The following PLEKHG4B variants were observed in gnomAD, a reference collection of about 807,000 sequenced individuals.
PLEKHG4B encodes the protein pleckstrin homology domain-containing family G member 4B.
In PLEKHG4B, 111 loss-of-function variants were observed where a neutral mutation model predicts 121.3. That is an observed-to-expected ratio of 0.92 (90% CI 0.78 to 1.07). PLEKHG4B has a LOEUF of 1.07. Among genes scored for constraint, PLEKHG4B ranks in the 50% least tolerant of loss-of-function variants. The probability of loss-of-function intolerance (pLI) is 0.00; values close to 1 mark genes in which losing one functional copy is unlikely to be tolerated. For synonymous variants in PLEKHG4B, 738 were observed against 725.0 expected (o/e 1.02, Z -0.29); for missense variants, 1,831 against 1,757.8 (o/e 1.04, Z -0.74).
intron 1 of PLEKHG4B, among the ~76,000 whole-genome samples, chr5:106,641 GC>G (rs1360938177): frequency 6.6e-6 from 1 of 152,196 alleles, no homozygotes; most frequent in Admixed American, 6.5e-5. Flanking sequence ...CACTCTGCAA[GC>G]TCCATGCATT....
In PLEKHG4B at chr5:163,311, TAAAG is replaced by T. The variant is rs779864418; in HGVS notation, c.3243_3246del (p.Lys1082ArgfsTer31). The T allele has an allele frequency of 5.6e-5, 91 of 1,613,308 alleles. No individual in the cohort carries two copies. In the East Asian group the frequency reaches 7.4e-4, roughly 13 times the overall value. On this transcript the variant is annotated frameshift_variant, in exon 13 of 20. Coordinates refer to ENST00000637938, the MANE Select transcript of PLEKHG4B (RefSeq NM_052909.5). LOFTEE classifies it high-confidence loss of function. ...AGGAAACATCCCCAGAAGAAAATGA[TAAAG>T]AAAACGCAAAGTTTCGAGATACCTC...
At chr5:120,993 T>C (rs1373455244) in intron 2 of PLEKHG4B, among the ~76,000 whole-genome samples, 1 of 152,170 alleles carries the variant, frequency 6.6e-6, no homozygotes, top group Non-Finnish European at 1.5e-5. Context: ...ACGCCTGTAA[T>C]CCCAGCACTT....
chr5:171,214 G>T lies in PLEKHG4B; in HGVS notation c.3820G>T (p.Asp1274Tyr). The stretch of plus-strand genomic sequence containing the variant: ...TGACCCTCTCACCCGGCCCTTGCAG[G>T]ACAAGCAGCGGGAGCTAGGTGACAA... Reference protein sequence around the residue: ...LSSHGNAFFKDKQRELGDKMD... With the variant: ...LSSHGNAFFKYKQRELGDKMD... The change falls in exon 16 of 20, where the codon GAC (aspartate) becomes TAC (tyrosine). Residue 1274 changes from aspartate (D) to tyrosine (Y), a missense_variant and splice_region_variant. By Grantham distance (160) the Asp-to-Tyr change is radical. Coordinates refer to ENST00000637938, the MANE Select transcript of PLEKHG4B (RefSeq NM_052909.5). 1 of 1,604,512 alleles carries T rather than the reference G, an allele frequency of 6.2e-7. No individual in the cohort carries two copies. Among genetic ancestry groups the T allele is most frequent in the Non-Finnish European group, 8.5e-7 (1 of 1,173,660 alleles).
At chr5:99,319 T>A (rs1733733241) in intron 1 of PLEKHG4B, among the ~76,000 whole-genome samples, 1 of 151,384 alleles carries the variant, frequency 6.6e-6, no homozygotes, top group South Asian at 2.1e-4. Flanking sequence ...ACTGAATTTA[T>A]AGATCACTTT....
At chr5:173,595 C>T (rs1243260060) in intron 17 of PLEKHG4B, among the ~76,000 whole-genome samples, 4 of 151,718 alleles carry the variant, frequency 2.6e-5, no homozygotes, top group Middle Eastern at 3.2e-3. Flanking sequence ...CCCTTGCACA[C>T]TGTTAAGCAG....
chr5:161,630 G>C (rs999867785), intron 11 of PLEKHG4B, among the ~76,000 whole-genome samples, 153 bp from the exon 12 acceptor site: 1 of 152,164 alleles, frequency 6.6e-6, no homozygotes, highest in Non-Finnish European at 1.5e-5. Context: ...TCGGTCCTTT[G>C]GTGCCTGCTC....
Position 138,821 on chromosome 5 carries a change from A to G in PLEKHG4B, c.244-662A>G, listed in dbSNP as rs111721342. Among the ~76,000 whole-genome samples the G allele has an allele frequency of 3.5e-3, 539 of 152,344 alleles. 1 individual carries two copies. The highest frequency in any genetic ancestry group is 0.012 in the African/African-American group (489 of 41,584). ...AGAGCAACATTTGGGGAAAATAAACACTCAACAGTTAAGTGATCTGTGTGC... is the reference window on the plus strand; with the variant it reads ...AGAGCAACATTTGGGGAAAATAAACGCTCAACAGTTAAGTGATCTGTGTGC... On this transcript the variant is annotated intron_variant, in intron 2 of 19. Coordinates refer to ENST00000637938, the MANE Select transcript of PLEKHG4B (RefSeq NM_052909.5).
rs951454507 is a variant in PLEKHG4B at position 156,587 on chromosome 5, C to T, written c.2349-186C>T. On this transcript the variant is annotated intron_variant, in intron 10 of 19. Coordinates refer to ENST00000637938, the MANE Select transcript of PLEKHG4B (RefSeq NM_052909.5). This position sits in a 1 kb window ranked among gnomAD's most constrained non-coding sequence, Gnocchi z 4.4. ...CCAGGCACCTGCAACCCAGGCCGGC[C>T]AGGATGTTGGCAGAACGCATGGAGC... is the stretch of plus-strand genomic sequence containing the variant. 6.6e-6 allele frequency among the ~76,000 whole-genome samples: 1 copy of T among 152,096 alleles called. No homozygotes were observed. Among genetic ancestry groups the T allele is most frequent in the African/African-American group, 2.4e-5 (1 of 41,412 alleles).
chr5:168,576 T>A (rs530285015), intron 13 of PLEKHG4B, among the ~76,000 whole-genome samples: 1 of 152,312 alleles, frequency 6.6e-6, no homozygotes, highest in Non-Finnish European at 1.5e-5. Flanking sequence ...TTGAGTCATC[T>A]CACCGCTAGA....
Position 183,991 on chromosome 5 carries a change from C to CGATTGATAGATA in PLEKHG4B, c.*1671_*1672insTGATAGATAGAT, listed in dbSNP as rs1292159443. ...CAGACAGATAGATAGATAGATAGATCGATAGATAGATAGATAGATAGATAG... is the reference window on the plus strand; with the variant it reads ...CAGACAGATAGATAGATAGATAGATCGATTGATAGATAGATAGATAGATAGATAGATAGATAG... On this transcript the variant is annotated 3_prime_UTR_variant, in exon 20 of 20. Coordinates refer to ENST00000637938, the MANE Select transcript of PLEKHG4B (RefSeq NM_052909.5). 1 of 104,614 alleles carries CGATTGATAGATA rather than the reference C, an allele frequency of 9.6e-6. No individual in the cohort carries two copies. Among genetic ancestry groups the CGATTGATAGATA allele is most frequent in the African/African-American group, 2.9e-5 (1 of 34,128 alleles). The allele number at this position is 104,614 out of a possible 1,614,324, so 6.5% of individuals were successfully genotyped here.
chr5:157,930 C>T lies in PLEKHG4B; in HGVS notation c.2487+1019C>T, dbSNP rs1735845966. On this transcript the variant is annotated intron_variant, in intron 11 of 19. Transcript: ENST00000637938. The surrounding 1 kb of genome is among the most constrained non-coding windows in gnomAD (Gnocchi z 4.6). ...TCCATGCGCGTGCCCTCACGGGGGC[C>T]TCCAGACAAAGACGTGCAGCAGGGA... 6.6e-6 allele frequency among the ~76,000 whole-genome samples: 1 copy of T among 152,164 alleles called. No homozygotes were observed. Among genetic ancestry groups the T allele is most frequent in the South Asian group, 2.1e-4 (1 of 4,832 alleles).
intron 6 of PLEKHG4B, among the ~76,000 whole-genome samples, chr5:149,862 AAAC>A (rs1008532175): frequency 6.6e-5 from 10 of 152,248 alleles, no homozygotes; most frequent in African/African-American, 7.2e-5. Flanking sequence ...TATTGTAAAA[AAAC>A]AACAAGTGTT....
At position 163,403 on chromosome 5, in the gene PLEKHG4B, C is replaced by G; in HGVS notation, c.3331C>G (p.Leu1111Val). The change falls in exon 13 of 20, where the codon CTG (leucine) becomes GTG (valine). Residue 1111 changes from leucine to valine, a missense_variant. Coordinates refer to ENST00000637938, the MANE Select transcript of PLEKHG4B (RefSeq NM_052909.5). ...PDHTSVFSKG[L>V]EVTSTVATEK... is the part of the protein sequence containing the mutation. ...CCATACTAGTGTCTTCAGCAAGGGC[C>G]TGGAGGTAACCAGCACTGTAGCCAC... 1 of 1,613,062 alleles carries G rather than the reference C, an allele frequency of 6.2e-7. No homozygotes were observed. Among genetic ancestry groups the G allele is most frequent in the Non-Finnish European group, 8.5e-7 (1 of 1,180,040 alleles).
rs1733539534 is a variant in PLEKHG4B at position 184,137 on chromosome 5, A to T, written c.*1814A>T. On this transcript the variant is annotated 3_prime_UTR_variant, in exon 20 of 20. Transcript: ENST00000637938. ...AAGCTGGAGACCCAAGGAAGCTGCT[A>T]GTGTGCCCAGTCCGAGTCCTAAAGC... is the stretch of plus-strand genomic sequence containing the variant. 1 of 152,196 alleles carries T rather than the reference A, an allele frequency of 6.6e-6. No homozygotes were observed. The highest frequency in any genetic ancestry group is 1.5e-5 in the Non-Finnish European group (1 of 68,060). 9.4% of individuals were successfully genotyped at this position (152,196 alleles called of 1,614,324 possible). A position where few individuals can be genotyped will look rare whatever the true frequency, so the allele number is the denominator to read the frequency against.
Position 92,244 on chromosome 5 carries a change from A to C in PLEKHG4B, c.13A>C (p.Thr5Pro), listed in dbSNP as rs1335903264. The C allele has an allele frequency of 1.4e-5, 5 of 348,346 alleles. No homozygotes were observed. In the East Asian group the frequency reaches 2.0e-4, roughly 14 times the overall value. The allele number at this position is 348,346 out of a possible 1,614,324, so 21.6% of individuals were successfully genotyped here. A position where few individuals can be genotyped will look rare whatever the true frequency, so the allele number is the denominator to read the frequency against. Residue 5 changes from threonine to proline, a missense_variant, in exon 1 of 20, where the codon ACA becomes CCA. By Grantham distance (38) the Thr-to-Pro change is conservative. Transcript: ENST00000637938. ...ACCAGGGTCCAGCATGGGTTTCAGCACAGCAGACGGCGGGGGCGGCCCAGG... is the reference window on the plus strand; with the variant it reads ...ACCAGGGTCCAGCATGGGTTTCAGCCCAGCAGACGGCGGGGGCGGCCCAGG... Reference protein sequence around the residue: MGFSTADGGGGPGAR... With the variant: MGFSPADGGGGPGAR...
At chr5:144,946 GGGT>G in intron 6 of PLEKHG4B, 26 bp downstream of exon 6, 1 of 1,602,914 alleles carries the variant, frequency 6.2e-7, no homozygotes, top group African/African-American at 1.3e-5. Context: ...CATATCCCTT[GGGT>G]GTGCAGAGCA....
intron 3 of PLEKHG4B, among the ~76,000 whole-genome samples, chr5:142,429 C>T (rs555422690): frequency 6.6e-5 from 10 of 150,970 alleles, no homozygotes; most frequent in South Asian, 6.3e-4. Context: ...ACGATACACG[C>T]GCGCACAGTC....
chr5:99,646 T>A (rs1277964378), intron 1 of PLEKHG4B, among the ~76,000 whole-genome samples: 1 of 152,094 alleles, frequency 6.6e-6, no homozygotes, highest in Non-Finnish European at 1.5e-5. Context: ...TGTGGATGTT[T>A]TATATTGAGG....
intron 1 of PLEKHG4B, among the ~76,000 whole-genome samples, chr5:98,252 A>C (rs1408987278): frequency 2.0e-5 from 3 of 151,852 alleles, no homozygotes; most frequent in Non-Finnish European, 2.9e-5. Context: ...GTAGGGGTCT[A>C]ACTTCATTCT....
Sources: gnomAD v4.1 joint callset for allele counts (sites outside exome capture counted in the v4.1 genomes callset) on GRCh38, gnomAD v4.1.1 for gene constraint, Gnocchi (gnomAD v3.1) non-coding constraint, MANE v1.5 for transcripts, NCBI Gene and HGNC (gene_info 2026-07-23, HGNC 2026-07-21) for gene names.